Variants in CPNE4 observed in about 807,000 individuals in gnomAD.
The protein encoded by CPNE4 is copine 4, also known as copine-4.
In CPNE4, 25 loss-of-function variants were observed where a neutral mutation model predicts 67.9. That is an observed-to-expected ratio of 0.37 (90% CI 0.27 to 0.51). CPNE4 has a LOEUF of 0.51. CPNE4 is among the 20% of genes least tolerant of loss of function. The probability of loss-of-function intolerance (pLI) is 0.93; values close to 1 mark genes in which losing one functional copy is unlikely to be tolerated. For missense variants in CPNE4, 464 were observed against 690.8 expected, an observed-to-expected ratio of 0.67 and a Z score of 3.68; for synonymous variants, 242 against 244.9, an observed-to-expected ratio of 0.99 and a Z score of 0.11.
At chr3:131,661,164 G>A (rs891343387) in intron 7 of CPNE4, among the ~76,000 whole-genome samples, 3 of 152,182 alleles carry the variant, frequency 2.0e-5, no homozygotes, top group African/African-American at 4.8e-5. Flanking sequence ...AGAGTTCAAT[G>A]AGAAAATTTA....
chr3:131,962,052 T>C (rs2072197874), intron 1 of CPNE4, among the ~76,000 whole-genome samples: 1 of 152,230 alleles, frequency 6.6e-6, no homozygotes, highest in Admixed American at 6.5e-5. Context: ...AGTACTAGAT[T>C]GTTTGAAATG....
At chr3:131,994,273 C>A (rs2073237230) in intron 1 of CPNE4, among the ~76,000 whole-genome samples, 1 of 135,880 alleles carries the variant, frequency 7.4e-6, no homozygotes, top group Non-Finnish European at 1.7e-5. Flanking sequence ...GCAGTTCCAA[C>A]CAAAAGTATC....
chr3:131,813,838 T>C (rs959279766), intron 2 of CPNE4, among the ~76,000 whole-genome samples: 1 of 152,210 alleles, frequency 6.6e-6, no homozygotes, highest in Non-Finnish European at 1.5e-5. Flanking sequence ...AGATCCAATA[T>C]GCTTAATTAT....
intron 1 of CPNE4, among the ~76,000 whole-genome samples, chr3:131,984,218 T>C (rs2072984235): frequency 6.6e-6 from 1 of 152,094 alleles, no homozygotes; most frequent in Non-Finnish European, 1.5e-5. Flanking sequence ...TCCACAAAGA[T>C]CTCCTAACTC....
At chr3:131,952,668 G>A (rs2071796887) in intron 1 of CPNE4, among the ~76,000 whole-genome samples, 1 of 150,180 alleles carries the variant, frequency 6.7e-6, no homozygotes, top group Admixed American at 6.6e-5. Flanking sequence ...GAGGTGAGGG[G>A]CGCCTCTGCC....
intron 7 of CPNE4, among the ~76,000 whole-genome samples, chr3:131,601,779 G>T (rs1939220606): frequency 6.6e-6 from 1 of 152,126 alleles, no homozygotes; most frequent in African/African-American, 2.4e-5. Flanking sequence ...ACATGCCCCA[G>T]AGATGGTGCA....
chr3:131,997,910 ACT>A (rs2073336022), intron 1 of CPNE4, among the ~76,000 whole-genome samples: 1 of 151,954 alleles, frequency 6.6e-6, no homozygotes, highest in African/African-American at 2.4e-5. Context: ...TGAGGGCTGA[ACT>A]CTCTTATAAT....
At chr3:131,677,571 C>T (rs754513667) in intron 6 of CPNE4, among the ~76,000 whole-genome samples, 4 of 152,200 alleles carry the variant, frequency 2.6e-5, no homozygotes, top group African/African-American at 7.2e-5. Context: ...TTGGGTTTTA[C>T]ATTTGAGTCT....
At chr3:132,005,340 T>TAC (rs2073567484) in intron 1 of CPNE4, among the ~76,000 whole-genome samples, 1 of 27,188 alleles carries the variant, frequency 3.7e-5, no homozygotes, top group South Asian at 1.4e-3. Flanking sequence ...TATATATATA[T>TAC]ATACACACAC....
intron 14 of CPNE4, among the ~76,000 whole-genome samples, chr3:131,549,592 C>T (rs2107641785): frequency 6.6e-6 from 1 of 152,222 alleles, no homozygotes; most frequent in Admixed American, 6.5e-5. Context: ...GTATGGGTAC[C>T]TTAAAAAGCA....
At chr3:131,938,251 G>A (rs974524968) in intron 1 of CPNE4, among the ~76,000 whole-genome samples, 13 of 151,948 alleles carry the variant, frequency 8.6e-5, no homozygotes, top group South Asian at 2.1e-4. Context: ...CAGTTACTCC[G>A]GAGGCTGAGA....
chr3:131,550,696 G>A (rs1936124377), intron 13 of CPNE4, among the ~76,000 whole-genome samples: 2 of 151,956 alleles, frequency 1.3e-5, no homozygotes, highest in Admixed American at 6.6e-5. Context: ...AGGCAGTATC[G>A]AGCAAATGTA....
intron 2 of CPNE4, among the ~76,000 whole-genome samples, chr3:131,904,640 C>T (rs1377955508): frequency 6.6e-6 from 1 of 152,080 alleles, no homozygotes; most frequent in Non-Finnish European, 1.5e-5. Context: ...TAGTAAGTAG[C>T]CCAGCCCAGC....
At chr3:131,726,389 T>G (rs566647244) in intron 2 of CPNE4, among the ~76,000 whole-genome samples, 1 of 152,220 alleles carries the variant, frequency 6.6e-6, no homozygotes, top group South Asian at 2.1e-4. Context: ...CATTAAGTGA[T>G]AAACATTTGT....
intron 2 of CPNE4, among the ~76,000 whole-genome samples, chr3:131,743,912 G>A (rs1194944733): frequency 3.4e-5 from 4 of 118,912 alleles, no homozygotes; most frequent in Non-Finnish European, 4.8e-5. Flanking sequence ...GCAGTGAGCC[G>A]AGATCGCGCC....
chr3:131,945,643 C>T (rs1453035961), intron 1 of CPNE4, among the ~76,000 whole-genome samples: 3 of 152,218 alleles, frequency 2.0e-5, no homozygotes, highest in Non-Finnish European at 2.9e-5. Flanking sequence ...GAAACTGCAT[C>T]GTAGTCTGAA....
intron 1 of CPNE4, among the ~76,000 whole-genome samples, chr3:132,021,633 T>C (rs2073997991): frequency 6.6e-6 from 1 of 152,214 alleles, no homozygotes; most frequent in Admixed American, 6.5e-5. Context: ...GTGTGCATAC[T>C]GAAATTGACA....
At chr3:131,688,539 G>A (rs1183584247) in intron 5 of CPNE4, among the ~76,000 whole-genome samples, 1 of 152,116 alleles carries the variant, frequency 6.6e-6, no homozygotes, top group Non-Finnish European at 1.5e-5. Context: ...GGCTACAGTA[G>A]CTTGTTCCTA....
chr3:131,792,693 A>G (rs1348447738), intron 2 of CPNE4, among the ~76,000 whole-genome samples: 8 of 60,644 alleles, frequency 1.3e-4, no homozygotes, highest in Admixed American at 4.1e-4. Context: ...ACGTGTATAT[A>G]TACATATACA....
Sources: gnomAD v4.1 joint callset for allele counts (sites outside exome capture counted in the v4.1 genomes callset) on GRCh38, gnomAD v4.1.1 for gene constraint, MANE v1.5 for transcripts, NCBI Gene and HGNC (gene_info 2026-07-23, HGNC 2026-07-21) for gene names.